The following ZC3H13 variants were observed in gnomAD, a reference collection of about 807,000 sequenced individuals.
ZC3H13 encodes the protein zinc finger CCCH domain-containing protein 13.
ZC3H13 carries 64 observed loss-of-function variants against 204.1 expected under a neutral mutation model. The ratio of observed to expected loss-of-function variants is 0.31; its 90% confidence interval spans 0.26 to 0.39. ZC3H13 has a LOEUF of 0.39. ZC3H13 is among the 10% of genes least tolerant of loss of function. The pLI is 1.00. For missense variants in ZC3H13, 1,833 were observed against 2,082.7 expected, an observed-to-expected ratio of 0.88 and a Z score of 2.33; for synonymous variants, 667 against 693.7, an observed-to-expected ratio of 0.96 and a Z score of 0.60.
chr13:46,048,703 T>C (rs1004016948), intron 1 of ZC3H13, among the ~76,000 whole-genome samples: 2 of 152,032 alleles, frequency 1.3e-5, no homozygotes, highest in Admixed American at 6.6e-5. Flanking sequence ...CCATATTCTT[T>C]CCACAGAGAC....
chr13:45,995,367 T>G (rs1192865784), intron 8 of ZC3H13, among the ~76,000 whole-genome samples: 1 of 152,212 alleles, frequency 6.6e-6, no homozygotes, highest in Non-Finnish European at 1.5e-5. Flanking sequence ...TTTCCCAACA[T>G]CACACCTACT....
intron 4 of ZC3H13, among the ~76,000 whole-genome samples, chr13:46,038,060 G>A (rs895132644): frequency 6.6e-6 from 1 of 152,156 alleles, no homozygotes; most frequent in African/African-American, 2.4e-5. Context: ...AGGGTCTGGA[G>A]GTAAACTGGT....
At chr13:45,972,562 A>G (rs1397540315) in intron 12 of ZC3H13, among the ~76,000 whole-genome samples, 1 of 152,112 alleles carries the variant, frequency 6.6e-6, no homozygotes, top group African/African-American at 2.4e-5. Flanking sequence ...AACCTCTTGT[A>G]CCCTAAAAGC....
chr13:46,032,332 C>A (rs1593765337), intron 4 of ZC3H13, among the ~76,000 whole-genome samples: 3 of 91,294 alleles, frequency 3.3e-5, no homozygotes, highest in African/African-American at 1.2e-4. Context: ...CCCTAAAATA[C>A]AGAATTTTTA....
At position 45,975,389 on chromosome 13, in the gene ZC3H13, T is replaced by C. The variant is rs1223265892; in HGVS notation, c.2362A>G (p.Arg788Gly). The C allele has an allele frequency of 1.2e-6, 2 of 1,613,982 alleles. No homozygotes were observed. Among genetic ancestry groups the C allele is most frequent in the African/African-American group, 1.3e-5 (1 of 74,908 alleles). ...CCTTTGTCTTTGTCTTCCCAATCCC[T>C]TTGGCGTTCTCGTTCTTTATCCCTT... The part of the protein sequence containing the change: ...RERDKERERQ[R>G]DWEDKDKGRD... Residue 788 changes from arginine to glycine, a missense_variant, in exon 12 of 19, where the codon AGG becomes GGG. By Grantham distance (125) the Arg-to-Gly change is moderately radical. Around this residue, in one of 5 missense-constraint regions of ZC3H13, gnomAD observed 1,574 missense variants for 1,757.2 expected, o/e 0.90. Coordinates refer to ENST00000679008, the MANE Select transcript of ZC3H13 (RefSeq NM_001330564.2).
At chr13:45,994,517 G>C (rs2040194623) in intron 8 of ZC3H13, among the ~76,000 whole-genome samples, 1 of 152,194 alleles carries the variant, frequency 6.6e-6, no homozygotes, top group Non-Finnish European at 1.5e-5. Context: ...CGTGGTTCAA[G>C]GTAAGAGCCT....
chr13:46,013,211 C>A (rs1279573290), intron 5 of ZC3H13, among the ~76,000 whole-genome samples: 2 of 152,056 alleles, frequency 1.3e-5, no homozygotes, highest in Admixed American at 1.3e-4. Context: ...GTCAAGAAAT[C>A]GAGACCATCC....
Position 45,969,424 on chromosome 13 carries a change from C to T in ZC3H13, c.3120G>A (p.Glu1040=), listed in dbSNP as rs1232804794. Residue 1040 remains glutamate, a synonymous_variant, in exon 14 of 19, where the codon GAG becomes GAA. Coordinates refer to ENST00000679008, the MANE Select transcript of ZC3H13 (RefSeq NM_001330564.2). The part of the protein sequence containing the change: ...GPRTPPITTK[E]ELVEMCNGKN... ...TACCATTGCACATTTCAACCAATTC[C>T]TCTTTAGTTGTTATAGGGGGAGTCC... The T allele has an allele frequency of 6.2e-7, 1 of 1,613,930 alleles. No individual in the cohort carries two copies. Among genetic ancestry groups the T allele is most frequent in the Non-Finnish European group, 8.5e-7 (1 of 1,179,974 alleles).
chr13:45,958,871 G>T (rs780701733), intron 18 of ZC3H13, among the ~76,000 whole-genome samples: 1 of 151,960 alleles, frequency 6.6e-6, no homozygotes, highest in Non-Finnish European at 1.5e-5. Context: ...AGCCAGGATG[G>T]TCTCGATCTC....
At chr13:45,988,050 A>G (rs1173842267) in intron 9 of ZC3H13, among the ~76,000 whole-genome samples, 1 of 152,106 alleles carries the variant, frequency 6.6e-6, no homozygotes, top group African/African-American at 2.4e-5. Flanking sequence ...ATGACCTTCT[A>G]ACAATTCCCC....
At chr13:46,028,941 A>G (rs1272101918) in intron 4 of ZC3H13, among the ~76,000 whole-genome samples, 1 of 152,124 alleles carries the variant, frequency 6.6e-6, no homozygotes, top group Non-Finnish European at 1.5e-5. Context: ...AAATAAACTT[A>G]AGAATTAGAA....
intron 1 of ZC3H13, among the ~76,000 whole-genome samples, chr13:46,050,773 G>C (rs1355808010): frequency 6.6e-6 from 1 of 151,782 alleles, no homozygotes; most frequent in Non-Finnish European, 1.5e-5. Flanking sequence ...GACTACATAG[G>C]AATTAGCAAA....
rs74964355 is a variant in ZC3H13 at position 46,040,286 on chromosome 13, C to G, written c.339+1878G>C. ...ATGGGTCAAAAACAGCTGCAGAAAA[C>G]TTCTACATAATTTAAGTGATCAAGG... On this transcript the variant is annotated intron_variant, in intron 4 of 18. Transcript: ENST00000679008. 3.4e-4 allele frequency among the ~76,000 whole-genome samples: 51 copies of G among 152,190 alleles called. 1 individual carries two copies. In the East Asian group the frequency reaches 9.9e-3, roughly 29 times the overall value.
intron 10 of ZC3H13, among the ~76,000 whole-genome samples, chr13:45,981,195 T>C (rs1460276526): frequency 6.6e-6 from 1 of 152,174 alleles, no homozygotes; most frequent in Non-Finnish European, 1.5e-5. Flanking sequence ...CTGAGGGCCC[T>C]GCCCTCAACC....
At chr13:45,973,908 C>A (rs993865764) in intron 12 of ZC3H13, among the ~76,000 whole-genome samples, 1 of 152,090 alleles carries the variant, frequency 6.6e-6, no homozygotes, top group Non-Finnish European at 1.5e-5. Flanking sequence ...GAGTGTACTA[C>A]AGAAAACCAT....
intron 10 of ZC3H13, among the ~76,000 whole-genome samples, chr13:45,981,646 G>A (rs1405224531): frequency 6.6e-6 from 1 of 152,132 alleles, no homozygotes; most frequent in Non-Finnish European, 1.5e-5. Flanking sequence ...TCCAGCACCT[G>A]TTGTTTCCTG....
rs1240129335 is a variant in ZC3H13 at position 45,975,422 on chromosome 13, C to T, written c.2329G>A (p.Ala777Thr). 1.3e-5 allele frequency: 21 copies of T among 1,613,898 alleles called. No homozygotes were observed. Among genetic ancestry groups the T allele is most frequent in the Non-Finnish European group, 1.4e-5 (17 of 1,180,010 alleles). Reference protein sequence around the residue: ...ERERERERERARERDKERERQ... With the variant: ...ERERERERERTRERDKERERQ... ...TCTCGTTCTTTATCCCTTTCTCTCG[C>T]TCTTTCTCGTTCCCGTTCTCGCTCT... Residue 777 changes from alanine to threonine, a missense_variant, in exon 12 of 19, where the codon GCG (alanine) becomes ACG (threonine). This residue lies in a region of ZC3H13 where 1,574 missense variants were observed against 1,757.2 expected (regional missense o/e 0.90). Coordinates refer to ENST00000679008, the MANE Select transcript of ZC3H13 (RefSeq NM_001330564.2).
chr13:46,037,276 C>T (rs923736027), intron 4 of ZC3H13, among the ~76,000 whole-genome samples: 1 of 152,176 alleles, frequency 6.6e-6, no homozygotes, highest in Admixed American at 6.5e-5. Context: ...GACCACTGCT[C>T]TTGCCCATTT....
At chr13:46,001,423 A>G (rs915416540) in intron 8 of ZC3H13, 2 of 152,224 alleles carry the variant, frequency 1.3e-5, no homozygotes, top group Non-Finnish European at 2.9e-5. Flanking sequence ...AGGTATTTAC[A>G]TAATCTTCCA....
Sources: allele counts gnomAD v4.1 joint callset (sites outside exome capture counted in the v4.1 genomes callset), GRCh38; gene constraint gnomAD v4.1.1; regional missense constraint gnomAD v4.1.1; transcripts MANE v1.5; gene names NCBI Gene and HGNC (gene_info 2026-07-23, HGNC 2026-07-21).